The following EPG5 variants were observed in gnomAD, a reference collection of about 807,000 sequenced individuals.
EPG5 encodes the protein ectopic P-granules 5 autophagy tethering factor, also known as ectopic P granules protein 5 homolog.
EPG5 carries 159 observed loss-of-function variants against 302.7 expected under a neutral mutation model. The ratio of observed to expected loss-of-function variants is 0.53; its 90% CI spans 0.46 to 0.60. The LOEUF (loss-of-function observed/expected upper bound fraction) is 0.60, where lower values mean the gene tolerates loss of function less well. EPG5 is among the 20% of genes least tolerant of loss of function. The probability of loss-of-function intolerance (pLI) is 0.00; values close to 1 mark genes in which losing one functional copy is unlikely to be tolerated. For missense variants in EPG5, 2,896 were observed against 3,092.4 expected, an observed-to-expected ratio of 0.94 and a Z score of 1.51; for synonymous variants, 1,158 against 1,136.8, an observed-to-expected ratio of 1.02 and a Z score of -0.37.
At position 45,954,731 on chromosome 18, in the gene EPG5, G is replaced by A. The variant is rs1218065454; in HGVS notation, c.671C>T (p.Ala224Val). ...TGCCACCAAAGCTGGTGCTTCTCCA[G>A]CAATTTCAGCTGGCAACTGGGGATA... ...KLYPQLPAEI[A>V]GEAPALVAVK... Residue 224 changes from alanine (A) to valine (V), a missense_variant, in exon 2 of 44, where the codon GCT becomes GTT. Coordinates refer to ENST00000282041, the MANE Select transcript of EPG5 (RefSeq NM_020964.3). 10 of 1,614,026 alleles carry A rather than the reference G, an allele frequency of 6.2e-6. No homozygotes were observed. Among genetic ancestry groups the A allele is most frequent in the Non-Finnish European group, 7.6e-6 (9 of 1,180,008 alleles).
chr18:45,809,144 T>C, the EPG5 span, among the ~76,000 whole-genome samples: 1 of 152,214 alleles, frequency 6.6e-6, no homozygotes, highest in Non-Finnish European at 1.5e-5. Context: ...CATTATTTAA[T>C]GATAAAAGGC....
rs748870233 is a variant in EPG5 at position 45,912,421 on chromosome 18, T to C, written c.3852A>G (p.Pro1284=). ...AQTQLKLPIV[P]SLQRLLIYRW... Reference sequence around the variant, plus strand: ...GATAAATCAGCAGCCTCTGGAGGGATGGCACGATGGGGAGCTTCAGCTGGG... The same window carrying C: ...GATAAATCAGCAGCCTCTGGAGGGACGGCACGATGGGGAGCTTCAGCTGGG... Residue 1284 remains proline, a synonymous_variant, in exon 22 of 44, where the codon CCA becomes CCG. Transcript: ENST00000282041. 18 of 1,605,492 alleles carry C rather than the reference T, an allele frequency of 1.1e-5. No homozygotes were observed. Among genetic ancestry groups the C allele is most frequent in the South Asian group, 7.8e-5 (7 of 89,502 alleles).
At chr18:45,949,619 C>T (rs762134231) in intron 4 of EPG5, 28 bp from the exon 5 acceptor site, 3 of 1,439,254 alleles carry the variant, frequency 2.1e-6, no homozygotes, top group Non-Finnish European at 2.9e-6. Flanking sequence ...TATGATCTCA[C>T]TATTTTTAAT....
Position 45,954,877 on chromosome 18 carries a change from A to G in EPG5, c.525T>C (p.Thr175=), listed in dbSNP as rs2050990187. ...CTTGTTTGTCTTCTTTACTATTCTG[A>G]GTTTCTCTGACTTGTATATTTTCCA... The part of the protein sequence containing the change: ...PAMENIQVRE[T]QNSKEDKQGL... The change falls in exon 2 of 44, where the codon ACT becomes ACC. Residue 175 remains threonine (T), a synonymous_variant. Transcript: ENST00000282041. The G allele has an allele frequency of 6.2e-7, 1 of 1,613,992 alleles. No homozygotes were observed.
At chr18:45,923,880 T>C (rs1226193267) in intron 14 of EPG5, among the ~76,000 whole-genome samples, 3 of 151,970 alleles carry the variant, frequency 2.0e-5, no homozygotes, top group African/African-American at 7.3e-5. Context: ...AATACAAAAT[T>C]AGCCAAGTAC....
intron 40 of EPG5, among the ~76,000 whole-genome samples, chr18:45,859,722 G>A (rs1246092353): frequency 7.9e-5 from 12 of 152,140 alleles, no homozygotes. Flanking sequence ...CAAAAACAGG[G>A]AAAATTAACC....
In EPG5 at chr18:45,902,365, G is replaced by A. The variant is rs550153031; in HGVS notation, c.4475-1198C>T. Among the ~76,000 whole-genome samples the A allele has an allele frequency of 5.9e-5, 9 of 152,200 alleles. No individual in the cohort carries two copies. The East Asian group carries it at 1.5e-3, about 26-fold the overall frequency. ...AGGTATTCACCACTGGATAAGACTT[G>A]TTACTATTTATGTTAAAGTTCCTTT... On this transcript the variant is annotated intron_variant, in intron 25 of 43. Transcript: ENST00000282041.
Position 45,877,418 on chromosome 18 carries a change from TA to T in EPG5, c.5942+957del, listed in dbSNP as rs929719825. Among the ~76,000 whole-genome samples the T allele has an allele frequency of 4.0e-5, 6 of 151,888 alleles. No homozygotes were observed. The South Asian group carries it at 1.2e-3, about 32-fold the overall frequency. On this transcript the variant is annotated intron_variant, in intron 34 of 43. Coordinates refer to ENST00000282041, the MANE Select transcript of EPG5 (RefSeq NM_020964.3). ...TGAGCAACAGAGTGAGACTCTGTCT[TA>T]AAAAAAATTTTTTTTTATTTTCTGA...
rs777272615 is a variant in EPG5, at chr18:45,865,712, G to A, written c.6669C>T (p.Phe2223=). 6.2e-7 allele frequency: 1 copy of A among 1,610,042 alleles called. No homozygotes were observed. Among genetic ancestry groups the A allele is most frequent in the Non-Finnish European group, 8.5e-7 (1 of 1,179,180 alleles). Residue 2223 remains phenylalanine (F), a synonymous_variant, in exon 39 of 44, where the codon TTC becomes TTT. Transcript: ENST00000282041. ...TTCCATTTTGTTCCAGGGTGCTGAG[G>A]AATTGAACCATCTGATGAGTAAAAG... The part of the protein sequence containing the change: ...CQAFTHQMVQ[F]LSTLEQNGKI...
Position 45,930,754 on chromosome 18 carries a change from G to A in EPG5, c.2334C>T (p.Thr778=), listed in dbSNP as rs200676427. 9 of 1,611,814 alleles carry A rather than the reference G, an allele frequency of 5.6e-6. No individual in the cohort carries two copies. Among genetic ancestry groups the A allele is most frequent in the Non-Finnish European group, 6.8e-6 (8 of 1,179,202 alleles). Residue 778 remains threonine, a synonymous_variant, in exon 12 of 44, where the codon ACC becomes ACT. Coordinates refer to ENST00000282041, the MANE Select transcript of EPG5 (RefSeq NM_020964.3). ...NSSEEICLLT[T]FAQMAQARRT... is the part of the protein sequence containing the mutation. The stretch of plus-strand genomic sequence containing the variant: ...TTCTGGCCTGAGCCATCTGAGCAAA[G>A]GTAGTCAGAAGGCAAATCTCTTCTG...
At chr18:45,860,372 G>C (rs1334443238) in intron 39 of EPG5, 26 bp from the exon 40 acceptor site, 2 of 1,613,910 alleles carry the variant, frequency 1.2e-6, no homozygotes, top group Non-Finnish European at 1.7e-6. Context: ...ACACACTCAA[G>C]AATGGCTGCC....
At chr18:45,827,607 T>G in the EPG5 span, among the ~76,000 whole-genome samples, 1 of 152,176 alleles carries the variant, frequency 6.6e-6, no homozygotes, top group Non-Finnish European at 1.5e-5. Context: ...TCTACCTTTC[T>G]TGAGTCCCTG....
At chr18:45,881,773 G>A (rs2049104111) in intron 31 of EPG5, among the ~76,000 whole-genome samples, 2 of 152,122 alleles carry the variant, frequency 1.3e-5, no homozygotes, top group Admixed American at 1.3e-4. Context: ...CTTTCCCTTG[G>A]TAAATATAAA....
At chr18:45,809,128 G>A in the EPG5 span, among the ~76,000 whole-genome samples, 2 of 152,158 alleles carry the variant, frequency 1.3e-5, no homozygotes, top group Non-Finnish European at 2.9e-5. Context: ...TAAAAAGACA[G>A]AAGGACATTA....
At chr18:45,865,818 C>T in intron 38 of EPG5, 59 bp from the exon 39 acceptor site, 1 of 1,551,062 alleles carries the variant, frequency 6.4e-7, no homozygotes. Flanking sequence ...GTGTTAACTG[C>T]ATATTTCCTG....
intron 35 of EPG5, among the ~76,000 whole-genome samples, chr18:45,874,695 C>T (rs1188358773): frequency 6.6e-6 from 1 of 152,176 alleles, no homozygotes; most frequent in African/African-American, 2.4e-5. Context: ...GGCTCCCTCC[C>T]ACAACACATG....
intron 43 of EPG5, 71 bp downstream of exon 43, chr18:45,855,502 C>T (rs964457726): frequency 9.0e-5 from 97 of 1,077,168 alleles, no homozygotes; most frequent in Non-Finnish European, 1.2e-4. Context: ...GCACAGGCTA[C>T]GGCTGCCACC....
At chr18:45,876,410 T>C in intron 34 of EPG5, 68 bp from the exon 35 acceptor site, 1 of 1,334,240 alleles carries the variant, frequency 7.5e-7, no homozygotes, top group South Asian at 1.2e-5. Context: ...TCCCAGTGTC[T>C]AGGGCTGGCC....
chr18:45,855,347 C>A, intron 43 of EPG5: 1 of 453,820 alleles, frequency 2.2e-6, no homozygotes. Flanking sequence ...TTTCGTTTGG[C>A]CTTACTTTTC....
Sources: gnomAD v4.1 joint callset for allele counts (sites outside exome capture counted in the v4.1 genomes callset) on GRCh38, gnomAD v4.1.1 for gene constraint, MANE v1.5 for transcripts, NCBI Gene and HGNC (gene_info 2026-07-23, HGNC 2026-07-21) for gene names.